The following GANAB variants were observed in gnomAD, a reference collection of about 807,000 sequenced individuals.
GANAB encodes the protein neutral alpha-glucosidase AB.
In GANAB, 35 loss-of-function variants were observed where a neutral mutation model predicts 129.9. That is an observed-to-expected ratio of 0.27 (90% CI 0.21 to 0.36). The LOEUF is 0.36. GANAB is among the 10% of genes least tolerant of loss of function. The pLI, the probability that GANAB is intolerant of heterozygous loss-of-function variation, is 1.00. For synonymous variants in GANAB, 482 were observed against 451.8 expected (o/e 1.07, Z -0.85); for missense variants, 939 against 1,221.0 (o/e 0.77, Z 3.44).
chr11:62,625,717 G>A lies in GANAB; in HGVS notation c.*98C>T, dbSNP rs1317572183. ...GAATCTGGGTCTTAGACTAGCATAA[G>A]TGAAGTCTGGGGAGGGCCGAACTCC... is the stretch of plus-strand genomic sequence containing the variant. On this transcript the variant is annotated 3_prime_UTR_variant, in exon 24 of 24. Transcript: ENST00000356638. 1 of 783,306 alleles carries A rather than the reference G, an allele frequency of 1.3e-6. No individual in the cohort carries two copies. The highest frequency in any genetic ancestry group is 2.6e-5 in the East Asian group (1 of 38,924). The allele number at this position is 783,306 out of a possible 1,614,324, so 48.5% of individuals were successfully genotyped here.
chr11:62,627,426 T>A, intron 17 of GANAB, 73 bp from the exon 18 acceptor site: 1 of 832,364 alleles, frequency 1.2e-6, no homozygotes, highest in South Asian at 1.4e-5. Flanking sequence ...CTCCAGGAAC[T>A]GGCAATAAGA....
chr11:62,633,699 G>A, intron 5 of GANAB, 185 bp from the exon 6 acceptor site: 1 of 608,880 alleles, frequency 1.6e-6, no homozygotes, highest in East Asian at 2.7e-5. Flanking sequence ...AGGATGGGGA[G>A]AGAAATGAGA....
Position 62,625,134 on chromosome 11 carries a change from G to A in GANAB, c.*681C>T. ...GAAGTTTAATGCGCATCCCCTAAGAGGTGTGGAAACGTCTTTCTGCCGAGG... is the reference window on the plus strand; with the variant it reads ...GAAGTTTAATGCGCATCCCCTAAGAAGTGTGGAAACGTCTTTCTGCCGAGG... On this transcript the variant is annotated 3_prime_UTR_variant, in exon 24 of 24. Transcript: ENST00000356638. 2.2e-6 allele frequency: 1 copy of A among 447,160 alleles called. No homozygotes were observed. The allele number at this position is 447,160 out of a possible 1,614,324, so 27.7% of individuals were successfully genotyped here. A position where few individuals can be genotyped will look rare whatever the true frequency, so the allele number is the denominator to read the frequency against.
At position 62,628,930 on chromosome 11, in the gene GANAB, G is replaced by A. The variant is rs1943530780; in HGVS notation, c.2019C>T (p.Phe673=). ...WYQMGAYQPF[F]RAHAHLDTGR... ...CAGTGTCCAAGTGGGCATGTGCCCG[G>A]AAGAATGGCTGGTAAGCACCCATCT... is the stretch of plus-strand genomic sequence containing the variant. The change falls in exon 17 of 24, where the codon TTC becomes TTT. Residue 673 remains phenylalanine, a synonymous_variant. Coordinates refer to ENST00000356638, the MANE Select transcript of GANAB (RefSeq NM_198334.3). 1 of 1,614,048 alleles carries A rather than the reference G, an allele frequency of 6.2e-7. No individual in the cohort carries two copies. The highest frequency in any genetic ancestry group is 1.7e-5 in the Admixed American group (1 of 60,010).
At chr11:62,627,657 G>A (rs1590794015) in intron 17 of GANAB, among the ~76,000 whole-genome samples, 4 of 152,216 alleles carry the variant, frequency 2.6e-5, no homozygotes, top group South Asian at 2.1e-4. Flanking sequence ...ACTTGAACCC[G>A]GGAGGCGGAG....
intron 1 of GANAB, among the ~76,000 whole-genome samples, chr11:62,641,554 T>C (rs1202951687): frequency 1.3e-5 from 2 of 150,360 alleles, no homozygotes; most frequent in African/African-American, 4.9e-5. Context: ...GTAATCACTT[T>C]ATATTACTAG....
chr11:62,628,084 AAACT>A (rs1258539870), intron 17 of GANAB, among the ~76,000 whole-genome samples: 2 of 152,092 alleles, frequency 1.3e-5, no homozygotes, highest in Admixed American at 6.5e-5. Flanking sequence ...AGTACATAAC[AAACT>A]AATTTCTCCT....
intron 1 of GANAB, among the ~76,000 whole-genome samples, chr11:62,645,977 G>A (rs1944460234): frequency 6.6e-6 from 1 of 152,156 alleles, no homozygotes; most frequent in Admixed American, 6.5e-5. Context: ...TGTTGTGTTT[G>A]AGCAACACCA....
intron 1 of GANAB, 105 bp from the exon 2 acceptor site, chr11:62,639,836 G>A: frequency 1.4e-6 from 1 of 716,244 alleles, no homozygotes; most frequent in Non-Finnish European, 2.5e-6. Flanking sequence ...GATAGTTGAG[G>A]AAAGAGGGGA....
chr11:62,644,834 A>G (rs958742390), intron 1 of GANAB, among the ~76,000 whole-genome samples: 4 of 149,402 alleles, frequency 2.7e-5, no homozygotes, highest in African/African-American at 1.0e-4. Flanking sequence ...ATAAGTAAAC[A>G]AACAAATAAA....
At chr11:62,629,082 C>T (rs2134470318) in intron 16 of GANAB, 70 bp from the exon 17 acceptor site, 1 of 1,581,502 alleles carries the variant, frequency 6.3e-7, no homozygotes, top group South Asian at 1.1e-5. Flanking sequence ...AGAAACTTCC[C>T]AAGGCCCTAA....
At chr11:62,638,324 T>A (rs1330984118) in intron 4 of GANAB, among the ~76,000 whole-genome samples, 2 of 152,098 alleles carry the variant, frequency 1.3e-5, no homozygotes, top group African/African-American at 2.4e-5. Flanking sequence ...TGGCTGATTT[T>A]TGTATTTTTA....
rs1298399386 is a variant in GANAB, at chr11:62,628,768, C to A, written c.2180+1G>T. The A allele has an allele frequency of 6.2e-7, 1 of 1,613,490 alleles. No homozygotes were observed. Among genetic ancestry groups the A allele is most frequent in the South Asian group, 1.1e-5 (1 of 91,072 alleles). ...CTTCACAGCCCAAGTGAATGCCTCA[C>A]CTCATGACAGGAATGCCTTCCCGAT... is the stretch of plus-strand genomic sequence containing the variant. On this transcript the variant is annotated splice_donor_variant, in intron 17 of 23. Transcript: ENST00000356638. LOFTEE classifies it high-confidence loss of function.
chr11:62,633,677 A>G (rs1038352384), intron 5 of GANAB, 163 bp from the exon 6 acceptor site: 19 of 636,736 alleles, frequency 3.0e-5, no homozygotes, highest in African/African-American at 5.5e-5. Context: ...CAATGAGCAG[A>G]TAAGTTTGCA....
chr11:62,626,708 T>G (rs767475957), intron 20 of GANAB, 24 bp from the exon 21 acceptor site: 24 of 1,516,128 alleles, frequency 1.6e-5, no homozygotes, highest in Non-Finnish European at 2.1e-5. Context: ...AATGCCAGGA[T>G]GAAGTTGCCC....
At chr11:62,641,902 T>C (rs911191237) in intron 1 of GANAB, among the ~76,000 whole-genome samples, 1 of 151,710 alleles carries the variant, frequency 6.6e-6, no homozygotes, top group Non-Finnish European at 1.5e-5. Flanking sequence ...GTTGTGGTTT[T>C]TGTTTTTTTT....
chr11:62,636,142 C>G (rs1210408780), intron 4 of GANAB, among the ~76,000 whole-genome samples: 3 of 151,984 alleles, frequency 2.0e-5, no homozygotes, highest in Non-Finnish European at 2.9e-5. Flanking sequence ...AGGCGCCCAC[C>G]ACCACGCCCG....
At chr11:62,641,874 C>A (rs1166353561) in intron 1 of GANAB, among the ~76,000 whole-genome samples, 1 of 152,048 alleles carries the variant, frequency 6.6e-6, no homozygotes, top group African/African-American at 2.4e-5. Flanking sequence ...GCCACAGCAC[C>A]CAGCTAATTT....
At chr11:62,641,510 T>C (rs542050532) in intron 1 of GANAB, among the ~76,000 whole-genome samples, 2 of 152,014 alleles carry the variant, frequency 1.3e-5, no homozygotes, top group Non-Finnish European at 1.5e-5. Context: ...ATAGCTAAAA[T>C]GTTCTGAGCC....
Sources: allele counts gnomAD v4.1 joint callset (sites outside exome capture counted in the v4.1 genomes callset), GRCh38; gene constraint gnomAD v4.1.1; transcripts MANE v1.5; gene names NCBI Gene and HGNC (gene_info 2026-07-23, HGNC 2026-07-21).